FREM1: variants seen among roughly 807,000 people sequenced by gnomAD.
FREM1 encodes the protein FRAS1 related extracellular matrix 1, also known as FRAS1-related extracellular matrix protein 1.
Under a neutral mutation model 210.1 loss-of-function variants are expected in FREM1, and 220 were observed. The observed-to-expected ratio is 1.05, with a 90% CI of 0.94 to 1.17. FREM1 has a LOEUF of 1.17. FREM1 is among the 50% of genes most tolerant of loss of function. The pLI is 0.00. For missense variants in FREM1, 3,454 were observed against 2,675.5 expected (o/e 1.29, Z -6.42); for synonymous variants, 1,189 against 980.2 (o/e 1.21, Z -3.98).
intron 1 of FREM1, among the ~76,000 whole-genome samples, chr9:14,878,383 T>G (rs919491927): frequency 2.0e-5 from 3 of 151,952 alleles, no homozygotes; most frequent in African/African-American, 7.3e-5. Context: ...TGAACGTTCT[T>G]CCCCCAGATA....
At chr9:14,856,917 C>G (rs1201842984) in intron 5 of FREM1, among the ~76,000 whole-genome samples, 4 of 151,600 alleles carry the variant, frequency 2.6e-5, no homozygotes, top group Non-Finnish European at 5.9e-5. Flanking sequence ...TTATAGAGTT[C>G]ATGAATCAGC....
chr9:14,743,379 T>G (rs1841891777), intron 35 of FREM1, among the ~76,000 whole-genome samples: 1 of 152,084 alleles, frequency 6.6e-6, no homozygotes, highest in South Asian at 2.1e-4. Context: ...TGATGTAGGT[T>G]TGTCAACATG....
At chr9:14,856,646 A>C (rs918737375) in intron 5 of FREM1, among the ~76,000 whole-genome samples, 1 of 152,056 alleles carries the variant, frequency 6.6e-6, no homozygotes, top group Non-Finnish European at 1.5e-5. Flanking sequence ...ATCCTGGCTA[A>C]CACGGTGAAA....
At chr9:14,831,630 T>C (rs1007484756) in intron 10 of FREM1, among the ~76,000 whole-genome samples, 1 of 152,254 alleles carries the variant, frequency 6.6e-6, no homozygotes, top group Non-Finnish European at 1.5e-5. Flanking sequence ...TATGGGTAAA[T>C]GCTTTAGCCT....
At chr9:14,883,268 G>A (rs1198366371) in intron 1 of FREM1, among the ~76,000 whole-genome samples, 1 of 151,962 alleles carries the variant, frequency 6.6e-6, no homozygotes, top group Non-Finnish European at 1.5e-5. Context: ...TAGGAGGGGG[G>A]AAAAGTACAA....
At chr9:14,744,234 C>T (rs561280025) in intron 35 of FREM1, among the ~76,000 whole-genome samples, 3 of 151,840 alleles carry the variant, frequency 2.0e-5, no homozygotes, top group South Asian at 2.1e-4. Flanking sequence ...ACATTTTATT[C>T]GCTTTAAAAA....
At chr9:14,880,792 A>C (rs1332306025) in intron 1 of FREM1, among the ~76,000 whole-genome samples, 16 of 152,200 alleles carry the variant, frequency 1.1e-4, no homozygotes, top group Admixed American at 1.0e-3. Context: ...TAACTCATTA[A>C]AGATGCATCT....
Position 14,757,391 on chromosome 9 carries a change from C to A in FREM1, c.5335-945G>T, listed in dbSNP as rs1023059859. On this transcript the variant is annotated intron_variant, in intron 28 of 36. Coordinates refer to ENST00000380880, the MANE Select transcript of FREM1 (RefSeq NM_001379081.2). ...CCAACATGGTGAAACCCCGTCTCTACCAAAAACAAAAAAATTGGCCAGGCA... is the reference window on the plus strand; with the variant it reads ...CCAACATGGTGAAACCCCGTCTCTAACAAAAACAAAAAAATTGGCCAGGCA... Among the ~76,000 whole-genome samples, 3 of 152,176 alleles carry A rather than the reference C, an allele frequency of 2.0e-5. No homozygotes were observed. The South Asian group carries it at 6.2e-4, about 32-fold the overall frequency.
intron 1 of FREM1, among the ~76,000 whole-genome samples, chr9:14,883,691 G>A (rs117623298): frequency 1.0e-3 from 153 of 152,334 alleles, no homozygotes; most frequent in Non-Finnish European, 1.8e-3. Flanking sequence ...AAATTACTAT[G>A]TCCAGTGACA....
At chr9:14,792,272 GCACA>G (rs34037291) in intron 22 of FREM1, among the ~76,000 whole-genome samples, 1,571 of 142,260 alleles carry the variant, frequency 0.011, 17 homozygotes, top group African/African-American at 0.026. Context: ...ACACACACAC[GCACA>G]CACACACACA....
chr9:14,860,738 CACATATATAT>C (rs1829837291), intron 3 of FREM1, among the ~76,000 whole-genome samples: 1 of 103,308 alleles, frequency 9.7e-6, no homozygotes, highest in Non-Finnish European at 1.9e-5. Context: ...CACATATATA[CACATATATAT>C]GCACATATAT....
intron 1 of FREM1, among the ~76,000 whole-genome samples, chr9:14,902,404 C>T (rs1838945552): frequency 6.6e-6 from 1 of 152,172 alleles, no homozygotes. Context: ...GCAAGGACCC[C>T]AGAGTTTTCC....
intron 7 of FREM1, among the ~76,000 whole-genome samples, chr9:14,848,430 C>G (rs558639402): frequency 6.6e-6 from 1 of 152,088 alleles, no homozygotes; most frequent in Admixed American, 6.5e-5. Context: ...GTCTTATCTC[C>G]GGCAGAGGAA....
At chr9:14,859,564 A>C (rs1588418062) in intron 3 of FREM1, 80 bp from the exon 4 acceptor site, 2 of 1,231,504 alleles carry the variant, frequency 1.6e-6, no homozygotes, top group Admixed American at 2.3e-5. Flanking sequence ...TGGAAGACTA[A>C]AGATTGGCCT....
chr9:14,831,060 T>C (rs28763665), intron 10 of FREM1, among the ~76,000 whole-genome samples: 30,671 of 152,080 alleles, frequency 0.2, 3,171 homozygotes, highest in African/African-American at 0.26. Context: ...CCCACAGGTA[T>C]TGGGAATGTT....
intron 1 of FREM1, among the ~76,000 whole-genome samples, chr9:14,880,385 C>G (rs1287987440): frequency 6.6e-6 from 1 of 152,046 alleles, no homozygotes; most frequent in Non-Finnish European, 1.5e-5. Context: ...GGGTGGATCA[C>G]CTGAAGTCAG....
chr9:14,806,180 G>T (rs1357602170), intron 18 of FREM1, among the ~76,000 whole-genome samples: 1 of 151,100 alleles, frequency 6.6e-6, no homozygotes, highest in Non-Finnish European at 1.5e-5. Flanking sequence ...AAATTTAAAT[G>T]AAAAATGGTA....
chr9:14,901,064 TA>T (rs1432707865), intron 1 of FREM1, among the ~76,000 whole-genome samples: 1 of 152,244 alleles, frequency 6.6e-6, no homozygotes, highest in Non-Finnish European at 1.5e-5. Flanking sequence ...TGCGACTCTT[TA>T]AAGACAAAGA....
intron 3 of FREM1, 120 bp from the exon 4 acceptor site, chr9:14,859,604 G>C (rs1445799039): frequency 7.5e-6 from 6 of 797,986 alleles, no homozygotes; most frequent in African/African-American, 1.7e-5. Flanking sequence ...GATTGAGTTT[G>C]GATTTCATTT....
Sources: gnomAD v4.1 joint callset for allele counts (sites outside exome capture counted in the v4.1 genomes callset) on GRCh38, gnomAD v4.1.1 for gene constraint, MANE v1.5 for transcripts, NCBI Gene and HGNC (gene_info 2026-07-23, HGNC 2026-07-21) for gene names.